STPG2: variants seen among roughly 807,000 people sequenced by gnomAD.
STPG2 encodes the protein sperm tail PG-rich repeat containing 2, also known as sperm-tail PG-rich repeat-containing protein 2.
Under a neutral mutation model 54.2 loss-of-function variants are expected in STPG2, and 56 were observed. The observed-to-expected ratio is 1.03, with a 90% confidence interval of 0.83 to 1.29. The LOEUF is 1.29. Ranked by LOEUF, STPG2 falls within the 50% of genes most tolerant of loss-of-function variation. The pLI is 0.00. For missense variants in STPG2, 596 were observed against 544.9 expected, an observed-to-expected ratio of 1.09 and a Z score of -0.93; for synonymous variants, 200 against 181.8, an observed-to-expected ratio of 1.10 and a Z score of -0.81.
intron 9 of STPG2, among the ~76,000 whole-genome samples, chr4:97,818,664 TC>T (rs1428754684): frequency 6.6e-6 from 1 of 151,898 alleles, no homozygotes; most frequent in African/African-American, 2.4e-5. Flanking sequence ...AGACTTTAAT[TC>T]TATTATCCTA....
At position 97,502,164 on chromosome 4, in the gene STPG2, G is replaced by A. The variant is rs115845961; in HGVS notation, c.462+210535C>T. Among the ~76,000 whole-genome samples, 800 of 151,924 alleles carry A rather than the reference G, an allele frequency of 5.3e-3. 6 individuals carry two copies. Among genetic ancestry groups the A allele is most frequent in the African/African-American group, 0.018 (761 of 41,512 alleles). On this transcript the variant is annotated intron_variant, in intron 4 of 4. Coordinates refer to the STPG2 transcript ENST00000522676. ...TAAAAAGTTTAAGGAATATAATAAA[G>A]TAATATTTCTAAGACCTGAGGATCT...
chr4:97,813,701 A>G (rs1332971018), intron 9 of STPG2, among the ~76,000 whole-genome samples: 361 of 135,138 alleles, frequency 2.7e-3, no homozygotes, highest in African/African-American at 9.5e-3. Flanking sequence ...AAAAAAAAAA[A>G]AAAAAAAAAA....
chr4:97,635,336 G>A (rs1165052146), intron 10 of STPG2, among the ~76,000 whole-genome samples: 2 of 152,182 alleles, frequency 1.3e-5, no homozygotes, highest in East Asian at 1.9e-4. Context: ...AGCTCCTGAA[G>A]GAAGCGCTAA....
chr4:97,877,136 T>C (rs1246166057), intron 8 of STPG2, among the ~76,000 whole-genome samples: 2 of 152,178 alleles, frequency 1.3e-5, no homozygotes, highest in Non-Finnish European at 2.9e-5. Flanking sequence ...TTTTGAAATA[T>C]ACATTTACAA....
intron 9 of STPG2, among the ~76,000 whole-genome samples, chr4:97,765,518 C>T (rs574822936): frequency 1.3e-5 from 2 of 152,200 alleles, no homozygotes; most frequent in African/African-American, 4.8e-5. Flanking sequence ...CCTTCCTCAA[C>T]AAATTTTGCA....
At chr4:97,978,735 T>C (rs536196904) in intron 6 of STPG2, among the ~76,000 whole-genome samples, 1 of 152,250 alleles carries the variant, frequency 6.6e-6, no homozygotes, top group African/African-American at 2.4e-5. Flanking sequence ...AAAAAGGAAC[T>C]AGAATTTCCT....
intron 7 of STPG2, among the ~76,000 whole-genome samples, chr4:97,958,354 C>CA (rs1733764318): frequency 1.3e-5 from 2 of 151,652 alleles, no homozygotes; most frequent in South Asian, 4.2e-4. Context: ...ATACAGGCAA[C>CA]AAATAGCATG....
rs70953083 is a variant in STPG2, at chr4:97,694,812, CAAAAAAAAAAAAAAAAAAAAA to C, written c.1320+17866_1320+17886del. On this transcript the variant is annotated intron_variant, in intron 10 of 10. Transcript: ENST00000295268. ...TGGGTTACAGAGCAAGACTCTGTCA[CAAAAAAAAAAAAAAAAAAAAA>C]AAAAAAAAAAAAAAAAAATTAGCAA... Among the ~76,000 whole-genome samples the C allele has an allele frequency of 9.1e-4, 40 of 44,042 alleles. 1 individual carries two copies. Among genetic ancestry groups the C allele is most frequent in the South Asian group, 1.4e-3 (1 of 698 alleles). The allele number at this position is 44,042 out of a possible 152,430, so 28.9% of individuals were successfully genotyped here. A position where few individuals can be genotyped will look rare whatever the true frequency, so the allele number is the denominator to read the frequency against.
intron 4 of STPG2, among the ~76,000 whole-genome samples, chr4:98,108,199 A>C (rs1319879360): frequency 3.3e-5 from 5 of 152,120 alleles, no homozygotes; most frequent in African/African-American, 1.2e-4. Flanking sequence ...CAAGATCCTA[A>C]AATACATCCA....
chr4:98,120,371 G>A (rs895699332), intron 3 of STPG2, among the ~76,000 whole-genome samples: 6 of 151,936 alleles, frequency 3.9e-5, no homozygotes, highest in East Asian at 1.9e-4. Flanking sequence ...GAGCCACCAC[G>A]CCCAGCCACA....
chr4:98,117,414 A>G (rs534895041), intron 3 of STPG2, among the ~76,000 whole-genome samples: 2 of 152,024 alleles, frequency 1.3e-5, no homozygotes, highest in South Asian at 4.2e-4. Flanking sequence ...TCTTTGCATT[A>G]ATCTTACTTA....
Position 97,969,965 on chromosome 4 carries a change from T to A in STPG2, c.933+2315A>T, listed in dbSNP as rs191459592. 3.6e-3 allele frequency among the ~76,000 whole-genome samples: 551 copies of A among 152,280 alleles called. 9 individuals carry two copies. Among genetic ancestry groups the A allele is most frequent in the South Asian group, 1.2e-3 (6 of 4,828 alleles). The stretch of plus-strand genomic sequence containing the variant: ...TGATAAGCAACTTCAGCAAAGTCTC[T>A]GGATACAAAATCAATGTACAAAAAT... On this transcript the variant is annotated intron_variant, in intron 7 of 10. Coordinates refer to ENST00000295268, the MANE Select transcript of STPG2 (RefSeq NM_174952.3).
chr4:97,505,744 A>C (rs1008102264), intron 4 of STPG2, among the ~76,000 whole-genome samples: 2 of 151,898 alleles, frequency 1.3e-5, no homozygotes, highest in Non-Finnish European at 2.9e-5. Flanking sequence ...ACTACAGGTC[A>C]GTACTACTAT....
At chr4:97,742,008 T>C (rs1332216438) in intron 9 of STPG2, among the ~76,000 whole-genome samples, 1 of 152,006 alleles carries the variant, frequency 6.6e-6, no homozygotes, top group East Asian at 1.9e-4. Context: ...ATGTGGCACA[T>C]ATACACCATG....
chr4:97,633,784 C>A (rs896334595), intron 10 of STPG2: 7 of 154,142 alleles, frequency 4.5e-5, no homozygotes, highest in African/African-American at 7.2e-5. Context: ...GCTTTTCCGA[C>A]GGGCTTAAAA....
At chr4:98,089,502 A>G (rs556497438) in intron 5 of STPG2, among the ~76,000 whole-genome samples, 3 of 151,920 alleles carry the variant, frequency 2.0e-5, no homozygotes, top group Non-Finnish European at 4.4e-5. Flanking sequence ...GAACTGTGCT[A>G]CTAAAAACAT....
At chr4:97,986,918 C>T (rs983490034) in intron 5 of STPG2, among the ~76,000 whole-genome samples, 1 of 152,160 alleles carries the variant, frequency 6.6e-6, no homozygotes, top group Non-Finnish European at 1.5e-5. Context: ...GGAGATGCAT[C>T]ATTTGCATTT....
chr4:97,724,502 A>G (rs887626861), intron 9 of STPG2, among the ~76,000 whole-genome samples: 2 of 151,890 alleles, frequency 1.3e-5, no homozygotes, highest in African/African-American at 4.8e-5. Context: ...TTATTTCATT[A>G]CTCTTTTGAA....
At position 97,658,884 on chromosome 4, in the gene STPG2, G is replaced by T. The variant is rs553424070; in HGVS notation, c.1320+53815C>A. 1.8e-4 allele frequency among the ~76,000 whole-genome samples: 28 copies of T among 152,290 alleles called. No individual in the cohort carries two copies. The South Asian group carries it at 5.4e-3, about 29-fold the overall frequency. On this transcript the variant is annotated intron_variant, in intron 10 of 10. Coordinates refer to ENST00000295268, the MANE Select transcript of STPG2 (RefSeq NM_174952.3). ...CAAACATTGAAAAATAAATGCATAT[G>T]CTATAGAAATATCATTTAAGAATAT...
Sources: allele counts gnomAD v4.1 joint callset (sites outside exome capture counted in the v4.1 genomes callset), GRCh38; gene constraint gnomAD v4.1.1; transcripts MANE v1.5; gene names NCBI Gene and HGNC (gene_info 2026-07-23, HGNC 2026-07-21).